BMP6: variants seen among roughly 807,000 people sequenced by gnomAD.
BMP6 encodes bone morphogenetic protein 6, also known as VG-1-R.
In BMP6, 17 loss-of-function variants were observed where a neutral mutation model predicts 54.1. That is an observed-to-expected ratio of 0.31 (90% confidence interval 0.22 to 0.47). The LOEUF (loss-of-function observed/expected upper bound fraction) is 0.47. BMP6 is among the 20% of genes least tolerant of loss of function. The pLI is 1.00. For synonymous variants in BMP6, 328 were observed against 291.2 expected, an observed-to-expected ratio of 1.13 and a Z score of -1.28; for missense variants, 720 against 690.4, an observed-to-expected ratio of 1.04 and a Z score of -0.48.
chr6:7,858,395 G>A (rs1759281912), intron 2 of BMP6, among the ~76,000 whole-genome samples: 1 of 152,008 alleles, frequency 6.6e-6, no homozygotes, highest in South Asian at 2.1e-4. Flanking sequence ...TTCCCAACCG[G>A]TGATTTTTAA....
intron 1 of BMP6, among the ~76,000 whole-genome samples, chr6:7,819,960 C>T (rs902081975): frequency 2.0e-5 from 3 of 152,050 alleles, no homozygotes; most frequent in South Asian, 2.1e-4. Context: ...TAAAGTTAAG[C>T]GTTGGTGAAA....
chr6:7,818,870 G>A (rs1329631668), intron 1 of BMP6, among the ~76,000 whole-genome samples: 1 of 152,158 alleles, frequency 6.6e-6, no homozygotes, highest in Admixed American at 6.5e-5. Flanking sequence ...ATCTGGGGAA[G>A]GGAGATCTTT....
At chr6:7,774,168 G>A (rs754244458) in intron 1 of BMP6, among the ~76,000 whole-genome samples, 1 of 152,162 alleles carries the variant, frequency 6.6e-6, no homozygotes, top group Non-Finnish European at 1.5e-5. Flanking sequence ...CTCAATCCAC[G>A]GCAGGGTTTG....
intron 1 of BMP6, among the ~76,000 whole-genome samples, chr6:7,840,257 G>A (rs778038610): frequency 2.6e-5 from 4 of 152,186 alleles, no homozygotes; most frequent in African/African-American, 4.8e-5. Context: ...CAGTAGAATT[G>A]TTAGGTTTTA....
chr6:7,754,969 T>C (rs35060575), intron 1 of BMP6, among the ~76,000 whole-genome samples: 35,834 of 152,012 alleles, frequency 0.24, 4,324 homozygotes, highest in East Asian at 0.33. Context: ...CTGCCTGCCT[T>C]GGCCTCCCAA....
intron 1 of BMP6, among the ~76,000 whole-genome samples, chr6:7,739,355 T>C (rs956486792): frequency 6.6e-6 from 1 of 152,206 alleles, no homozygotes; most frequent in Admixed American, 6.5e-5. Flanking sequence ...TTCCCTATGC[T>C]CATCCTTCTC....
At chr6:7,771,868 C>G (rs1757793987) in intron 1 of BMP6, among the ~76,000 whole-genome samples, 1 of 152,112 alleles carries the variant, frequency 6.6e-6, no homozygotes, top group Non-Finnish European at 1.5e-5. Flanking sequence ...GCCTGGCTAA[C>G]ATGGTGAAAC....
chr6:7,879,062 C>G lies in BMP6; in HGVS notation c.1205-12C>G. ...TCTTTTGATGGGTGCATCTTTTGAT[C>G]TCCTCCAACAGATTACAACAGCAGT... On this transcript the variant is annotated splice_polypyrimidine_tract_variant and intron_variant, in intron 4 of 6. Transcript: ENST00000283147. The G allele has an allele frequency of 6.2e-7, 1 of 1,612,046 alleles. No individual in the cohort carries two copies. The highest frequency in any genetic ancestry group is 1.1e-5 in the South Asian group (1 of 91,048).
intron 1 of BMP6, among the ~76,000 whole-genome samples, chr6:7,775,463 C>T (rs920153496): frequency 6.6e-6 from 1 of 152,194 alleles, no homozygotes; most frequent in East Asian, 1.9e-4. Flanking sequence ...AAAAGAATCT[C>T]CTGCATGCTC....
At chr6:7,776,068 C>T (rs1401264408) in intron 1 of BMP6, among the ~76,000 whole-genome samples, 2 of 152,138 alleles carry the variant, frequency 1.3e-5, no homozygotes, top group African/African-American at 4.8e-5. Flanking sequence ...ACAACTAAAA[C>T]ACTAGATGAT....
chr6:7,820,413 A>C (rs1413791920), intron 1 of BMP6, among the ~76,000 whole-genome samples: 1 of 152,196 alleles, frequency 6.6e-6, no homozygotes, highest in Non-Finnish European at 1.5e-5. Context: ...GAAAGCTCTG[A>C]GAAAAGTGTT....
At chr6:7,860,946 C>G (rs1236969660) in intron 2 of BMP6, among the ~76,000 whole-genome samples, 7 of 152,168 alleles carry the variant, frequency 4.6e-5, no homozygotes, top group Middle Eastern at 6.8e-3. Flanking sequence ...CTCCTACTTT[C>G]CCTGTTTTTA....
intron 1 of BMP6, among the ~76,000 whole-genome samples, chr6:7,783,165 T>C (rs1385555792): frequency 6.6e-6 from 1 of 152,146 alleles, no homozygotes; most frequent in Non-Finnish European, 1.5e-5. Context: ...GTTTGTGGCA[T>C]TTGTATGATT....
rs1759004633 is a variant in BMP6, at chr6:7,843,230, T to G, written c.665-1910T>G. ...TTCTTCTTGCTTATATTCAAGCTTTTACAGAAGCCAAAGCTTATTCTTTTT... is the reference window on the plus strand; with the variant it reads ...TTCTTCTTGCTTATATTCAAGCTTTGACAGAAGCCAAAGCTTATTCTTTTT... On this transcript the variant is annotated intron_variant, in intron 1 of 6. Transcript: ENST00000283147. 2.6e-5 allele frequency among the ~76,000 whole-genome samples: 4 copies of G among 151,918 alleles called. No individual in the cohort carries two copies. The South Asian group carries it at 8.3e-4, about 32-fold the overall frequency.
chr6:7,731,532 G>T lies in BMP6; in HGVS notation c.664+3913G>T, dbSNP rs193036288. On this transcript the variant is annotated intron_variant, in intron 1 of 6. Coordinates refer to ENST00000283147, the MANE Select transcript of BMP6 (RefSeq NM_001718.6). ...GTCAGCCTCCAAAGGCGGAAACCACGCTAACCCACCACAGTAGCCCAAGTG... is the reference window on the plus strand; with the variant it reads ...GTCAGCCTCCAAAGGCGGAAACCACTCTAACCCACCACAGTAGCCCAAGTG... 4.5e-4 allele frequency among the ~76,000 whole-genome samples: 69 copies of T among 152,276 alleles called. 1 individual carries two copies. Among genetic ancestry groups the T allele is most frequent in the African/African-American group, 1.6e-3 (67 of 41,544 alleles).
intron 4 of BMP6, among the ~76,000 whole-genome samples, chr6:7,870,302 C>T (rs370503064): frequency 1.9e-4 from 29 of 152,370 alleles, no homozygotes; most frequent in Middle Eastern, 3.4e-3. Context: ...GGCACTTCCA[C>T]ATGGTCCCGC....
At chr6:7,746,166 G>A (rs948322345) in intron 1 of BMP6, among the ~76,000 whole-genome samples, 2 of 152,172 alleles carry the variant, frequency 1.3e-5, no homozygotes, top group African/African-American at 2.4e-5. Context: ...TGAGAGGTCC[G>A]AGGTGCCTGA....
chr6:7,856,954 G>A (rs1290954473), intron 2 of BMP6, among the ~76,000 whole-genome samples: 2 of 152,290 alleles, frequency 1.3e-5, no homozygotes, highest in African/African-American at 4.8e-5. Flanking sequence ...TTTGACCCCG[G>A]CATTGTGACC....
rs1318568157 is a variant in BMP6, at chr6:7,726,163, C to T, written c.-793C>T. Among the ~76,000 whole-genome samples the T allele has an allele frequency of 6.6e-6, 1 of 152,172 alleles. No homozygotes were observed. The highest frequency in any genetic ancestry group is 1.5e-5 in the Non-Finnish European group (1 of 68,030). ...AGAGGCGGGAGACCGAATTCCGGCG[C>T]CGCCGCCGCGGCCGCTGCTCGGTGC... On this transcript the variant is annotated 5_prime_UTR_variant, in exon 1 of 7. Transcript: ENST00000283147.
Sources: gnomAD v4.1 joint callset for allele counts (sites outside exome capture counted in the v4.1 genomes callset) on GRCh38, gnomAD v4.1.1 for gene constraint, MANE v1.5 for transcripts, NCBI Gene and HGNC (gene_info 2026-07-23, HGNC 2026-07-21) for gene names.